Variants in RAPGEF4 observed in about 807,000 individuals in gnomAD.
The protein encoded by RAPGEF4 is RAP guanine-nucleotide-exchange factor (GEF) 4.
RAPGEF4 carries 66 observed loss-of-function variants against 147.9 expected under a neutral mutation model. The observed-to-expected ratio is 0.45, with a 90% CI of 0.37 to 0.55. The LOEUF (loss-of-function observed/expected upper bound fraction) is 0.55, where lower values mean the gene tolerates loss of function less well. Among genes scored for constraint, RAPGEF4 ranks in the 20% least tolerant of loss-of-function variants. The probability of loss-of-function intolerance (pLI) is 0.00; values close to 1 mark genes in which losing one functional copy is unlikely to be tolerated. For synonymous variants in RAPGEF4, 419 were observed against 442.7 expected, an observed-to-expected ratio of 0.95 and a Z score of 0.67; for missense variants, 1,071 against 1,257.3, an observed-to-expected ratio of 0.85 and a Z score of 2.24.
intron 4 of RAPGEF4, among the ~76,000 whole-genome samples, chr2:172,906,285 T>A (rs942992591): frequency 6.6e-6 from 1 of 152,198 alleles, no homozygotes; most frequent in Non-Finnish European, 1.5e-5. Flanking sequence ...TGGAACATAA[T>A]GAATGGGACC....
intron 1 of RAPGEF4, among the ~76,000 whole-genome samples, chr2:172,779,348 T>A (rs1288152232): frequency 2.6e-5 from 4 of 152,094 alleles, no homozygotes; most frequent in Non-Finnish European, 5.9e-5. Context: ...GTAGACTTCA[T>A]TAGGAAGGAG....
At chr2:173,026,992 C>T in intron 24 of RAPGEF4, 89 bp from the exon 25 acceptor site, 1 of 1,182,936 alleles carries the variant, frequency 8.5e-7, no homozygotes, top group Non-Finnish European at 1.2e-6. Flanking sequence ...ATTTGCTGAC[C>T]AGTAAAACAC....
chr2:173,012,772 G>A (rs1198701532), intron 17 of RAPGEF4, among the ~76,000 whole-genome samples: 5 of 152,124 alleles, frequency 3.3e-5, no homozygotes, highest in Admixed American at 6.5e-5. Context: ...TCCCACTCTC[G>A]GGTGAACCAG....
intron 4 of RAPGEF4, among the ~76,000 whole-genome samples, chr2:172,855,022 A>G (rs1399108549): frequency 6.6e-6 from 1 of 152,172 alleles, no homozygotes; most frequent in African/African-American, 2.4e-5. Flanking sequence ...ATTCACTCAC[A>G]GTAGATCTAA....
intron 29 of RAPGEF4, among the ~76,000 whole-genome samples, chr2:173,045,669 G>A (rs757759734): frequency 4.6e-5 from 7 of 152,186 alleles, no homozygotes; most frequent in Non-Finnish European, 7.3e-5. Flanking sequence ...ATAAATGAGC[G>A]AAAAGTAAAA....
intron 4 of RAPGEF4, among the ~76,000 whole-genome samples, chr2:172,903,104 C>T (rs1290956644): frequency 6.6e-6 from 1 of 152,026 alleles, no homozygotes; most frequent in Non-Finnish European, 1.5e-5. Context: ...TGCGGTGGCT[C>T]AAGCCTGTAA....
At chr2:172,939,447 C>T (rs1686928158) in intron 6 of RAPGEF4, among the ~76,000 whole-genome samples, 1 of 152,066 alleles carries the variant, frequency 6.6e-6, no homozygotes, top group Non-Finnish European at 1.5e-5. Context: ...TGCCATCTGT[C>T]TTCTTTGTTG....
At chr2:172,943,268 T>G (rs2105341264) in intron 6 of RAPGEF4, among the ~76,000 whole-genome samples, 2 of 152,316 alleles carry the variant, frequency 1.3e-5, no homozygotes, top group Middle Eastern at 6.8e-3. Context: ...GGGGAGGCAC[T>G]GTGTATAACT....
At chr2:172,900,344 A>T (rs1698940697) in intron 4 of RAPGEF4, among the ~76,000 whole-genome samples, 1 of 152,122 alleles carries the variant, frequency 6.6e-6, no homozygotes, top group Non-Finnish European at 1.5e-5. Context: ...GGTTCAAGGG[A>T]TGCTCCCACC....
At chr2:172,965,450 T>A in intron 8 of RAPGEF4, 112 bp from the exon 9 acceptor site, 1 of 1,256,952 alleles carries the variant, frequency 8.0e-7, no homozygotes, top group Non-Finnish European at 1.1e-6. Flanking sequence ...TGAGACCTCT[T>A]CTGGTAGGAG....
At chr2:173,015,591 G>A (rs1484952342) in intron 18 of RAPGEF4, among the ~76,000 whole-genome samples, 3 of 152,168 alleles carry the variant, frequency 2.0e-5, no homozygotes, top group Non-Finnish European at 2.9e-5. Flanking sequence ...GCGGTAGCTT[G>A]GGGTCATACA....
intron 29 of RAPGEF4, among the ~76,000 whole-genome samples, chr2:173,037,930 T>C (rs1684265221): frequency 6.6e-6 from 1 of 152,220 alleles, no homozygotes; most frequent in Non-Finnish European, 1.5e-5. Context: ...AGCTGGCACG[T>C]GTGACTCCAG....
At chr2:172,914,045 C>T (rs1683754740) in intron 4 of RAPGEF4, among the ~76,000 whole-genome samples, 1 of 152,186 alleles carries the variant, frequency 6.6e-6, no homozygotes, top group South Asian at 2.1e-4. Flanking sequence ...AGCAATAGAT[C>T]ATTCCATATC....
At chr2:172,994,590 C>G (rs1041928091) in intron 15 of RAPGEF4, among the ~76,000 whole-genome samples, 6 of 152,224 alleles carry the variant, frequency 3.9e-5, no homozygotes, top group Non-Finnish European at 7.3e-5. Context: ...AAACATTCGA[C>G]AGATGTTGCT....
chr2:173,049,434 T>G (rs552327208), intron 30 of RAPGEF4, among the ~76,000 whole-genome samples: 11 of 152,338 alleles, frequency 7.2e-5, no homozygotes, highest in Admixed American at 6.5e-4. Context: ...GCTCATTGTA[T>G]GACTCACTTG....
At chr2:172,820,734 A>T (rs1688984035) in intron 4 of RAPGEF4, among the ~76,000 whole-genome samples, 2 of 152,250 alleles carry the variant, frequency 1.3e-5, no homozygotes, top group Non-Finnish European at 2.9e-5. Context: ...AGTAATTAGT[A>T]AATAGAGATA....
At chr2:172,842,417 C>A (rs1037981753) in intron 4 of RAPGEF4, among the ~76,000 whole-genome samples, 1 of 152,156 alleles carries the variant, frequency 6.6e-6, no homozygotes, top group Non-Finnish European at 1.5e-5. Context: ...AAATGTAGTG[C>A]CTTGAAACAA....
At chr2:172,772,408 A>G (rs1041361552) in intron 1 of RAPGEF4, among the ~76,000 whole-genome samples, 3 of 151,644 alleles carry the variant, frequency 2.0e-5, no homozygotes, top group African/African-American at 7.3e-5. Flanking sequence ...CAGTGGCGCA[A>G]TCTTGGCTCA....
chr2:172,805,079 A>G (rs1687356604), intron 3 of RAPGEF4, among the ~76,000 whole-genome samples: 1 of 152,148 alleles, frequency 6.6e-6, no homozygotes, highest in African/African-American at 2.4e-5. Flanking sequence ...TGAGCAGGGG[A>G]ACCCACTGCT....
Sources: gnomAD v4.1 joint callset for allele counts (sites outside exome capture counted in the v4.1 genomes callset) on GRCh38, gnomAD v4.1.1 for gene constraint, MANE v1.5 for transcripts, NCBI Gene and HGNC (gene_info 2026-07-23, HGNC 2026-07-21) for gene names.